Variants in GINS1 observed in about 807,000 individuals in gnomAD.
GINS1 encodes GINS complex subunit 1.
In GINS1, 26 loss-of-function variants were observed where a neutral mutation model predicts 34.9. The ratio of observed to expected loss-of-function variants is 0.74; its 90% CI spans 0.55 to 1.03. The LOEUF (loss-of-function observed/expected upper bound fraction) is 1.03. Among genes scored for constraint, GINS1 ranks in the 50% least tolerant of loss-of-function variants. The pLI is 0.00. For missense variants in GINS1, 235 were observed against 237.9 expected (o/e 0.99, Z 0.08); for synonymous variants, 97 against 84.4 (o/e 1.15, Z -0.82).
At chr20:25,417,325 C>A (rs1345774614) in intron 3 of GINS1, 123 bp downstream of exon 3, 7 of 621,506 alleles carry the variant, frequency 1.1e-5, no homozygotes, top group Non-Finnish European at 5.7e-6. Flanking sequence ...TAAATTTTTC[C>A]TCTGTGTTTT....
At chr20:25,408,610 C>T (rs1326888443) in intron 1 of GINS1, among the ~76,000 whole-genome samples, 2 of 152,160 alleles carry the variant, frequency 1.3e-5, no homozygotes, top group African/African-American at 4.8e-5. Context: ...GTAATCCCAG[C>T]ACTTTGGGAG....
At position 25,445,965 on chromosome 20, in the gene GINS1, G is replaced by A. The variant is rs2090509894; in HGVS notation, c.565G>A (p.Gly189Arg). 6.2e-7 allele frequency: 1 copy of A among 1,611,288 alleles called. No individual in the cohort carries two copies. Among genetic ancestry groups the A allele is most frequent in the Non-Finnish European group, 8.5e-7 (1 of 1,177,776 alleles). Residue 189 changes from glycine to arginine, a missense_variant, in exon 7 of 7, where the codon GGA (glycine) becomes AGA (arginine). Coordinates refer to ENST00000262460, the MANE Select transcript of GINS1 (RefSeq NM_021067.5). Reference sequence around the variant, plus strand: ...GAAATGTGAGCAGCTGATCAGACAAGGAGTCCTGGAGCACATCCTGTCATG... The same window carrying A: ...GAAATGTGAGCAGCTGATCAGACAAAGAGTCCTGGAGCACATCCTGTCATG... The part of the protein sequence containing the change: ...RWKCEQLIRQ[G>R]VLEHILS
intron 6 of GINS1, among the ~76,000 whole-genome samples, chr20:25,442,842 G>T (rs181015590): frequency 2.6e-5 from 4 of 152,184 alleles, no homozygotes; most frequent in Admixed American, 2.6e-4. Flanking sequence ...CTGAGCTCAA[G>T]CAATCCACCC....
intron 6 of GINS1, among the ~76,000 whole-genome samples, chr20:25,442,565 A>G (rs1021631861): frequency 6.6e-6 from 1 of 151,742 alleles, no homozygotes; most frequent in African/African-American, 2.4e-5. Context: ...TCATATTCAC[A>G]TTAGATGAAT....
intron 5 of GINS1, among the ~76,000 whole-genome samples, chr20:25,437,220 C>A (rs1283866567): frequency 6.6e-6 from 1 of 152,238 alleles, no homozygotes; most frequent in African/African-American, 2.4e-5. Flanking sequence ...GAATTCACTT[C>A]AGTGGAATGC....
chr20:25,422,662 A>G (rs114536755), intron 4 of GINS1, among the ~76,000 whole-genome samples: 1,718 of 152,254 alleles, frequency 0.011, 32 homozygotes, highest in African/African-American at 0.036. Context: ...AGTGTTGCCC[A>G]TTTTTTGAAC....
At chr20:25,428,967 C>CTTTTTTTTTTTT (rs1241187859) in intron 5 of GINS1, among the ~76,000 whole-genome samples, 1 of 114,162 alleles carries the variant, frequency 8.8e-6, no homozygotes, top group Non-Finnish European at 1.8e-5. Context: ...TCATTCCTCT[C>CTTTTTTTTTTTT]TCTTTTTTTT....
At chr20:25,414,598 G>T (rs1296295106) in intron 2 of GINS1, among the ~76,000 whole-genome samples, 1 of 152,080 alleles carries the variant, frequency 6.6e-6, no homozygotes, top group Admixed American at 6.6e-5. Context: ...TACTCAGCAG[G>T]GTAAGGTGAG....
At chr20:25,425,477 C>T (rs2146206612) in intron 5 of GINS1, 150 bp downstream of exon 5, 5 of 477,330 alleles carry the variant, frequency 1.0e-5, no homozygotes, top group Non-Finnish European at 1.5e-5. Context: ...AGGGGGATGA[C>T]AGAATACGAT....
intron 5 of GINS1, among the ~76,000 whole-genome samples, chr20:25,440,537 G>A (rs1197214319): frequency 4.6e-5 from 7 of 152,166 alleles, no homozygotes; most frequent in South Asian, 2.1e-4. Flanking sequence ...GCGGCCAGGC[G>A]TGGTGGCTCA....
chr20:25,407,881 C>G lies in GINS1; in HGVS notation c.61C>G (p.Leu21Val), dbSNP rs1374439656. 1.2e-6 allele frequency: 2 copies of G among 1,613,338 alleles called. No homozygotes were observed. Among genetic ancestry groups the G allele is most frequent in the Non-Finnish European group, 1.7e-6 (2 of 1,179,352 alleles). Reference protein sequence around the residue: ...RELHRAPEGQLPAFNEDGLRQ... With the variant: ...RELHRAPEGQVPAFNEDGLRQ... ...GCTGCATCGCGCGCCCGAAGGGCAA[C>G]TGCCTGCCTTCAACGTGAGGGGCGG... is the stretch of plus-strand genomic sequence containing the variant. Residue 21 changes from leucine to valine, a missense_variant, in exon 1 of 7, where the codon CTG (leucine) becomes GTG (valine). Leu to Val is a conservative substitution (Grantham distance 32). Coordinates refer to ENST00000262460, the MANE Select transcript of GINS1 (RefSeq NM_021067.5).
chr20:25,430,392 G>A (rs934302426), intron 5 of GINS1, among the ~76,000 whole-genome samples: 4 of 151,830 alleles, frequency 2.6e-5, no homozygotes, highest in East Asian at 1.9e-4. Context: ...TTTTCCCTTC[G>A]TTCTGTTAAT....
At position 25,445,908 on chromosome 20, in the gene GINS1, T is replaced by G; in HGVS notation, c.523-15T>G. 6.5e-7 allele frequency: 1 copy of G among 1,542,826 alleles called. No individual in the cohort carries two copies. The highest frequency in any genetic ancestry group is 8.9e-7 in the Non-Finnish European group (1 of 1,120,000). On this transcript the variant is annotated splice_polypyrimidine_tract_variant and intron_variant, in intron 6 of 6. Coordinates refer to ENST00000262460, the MANE Select transcript of GINS1 (RefSeq NM_021067.5). ...ATTTATTTTACTCTTTCTCCATCCC[T>G]TCTTGTCCCCTCAGCACTTTTTACC... is the stretch of plus-strand genomic sequence containing the variant.
At chr20:25,438,553 G>A (rs1004677922) in intron 5 of GINS1, among the ~76,000 whole-genome samples, 1 of 130,152 alleles carries the variant, frequency 7.7e-6, no homozygotes, top group African/African-American at 3.0e-5. Context: ...CAGTATCTGG[G>A]TCTGTTGTTC....
At position 25,418,051 on chromosome 20, in the gene GINS1, A is replaced by G. The variant is rs544833663; in HGVS notation, c.240-54A>G. ...TTGCATCAGGGGCCAAATGAAGTCC[A>G]CACGTGATCCCCCGTTTATTCTTAT... On this transcript the variant is annotated intron_variant, in intron 3 of 6. Transcript: ENST00000262460. The G allele has an allele frequency of 1.9e-4, 182 of 955,670 alleles. 1 individual carries two copies. The East Asian group carries it at 4.3e-3, about 23-fold the overall frequency. 59.2% of individuals were successfully genotyped at this position (955,670 alleles called of 1,614,324 possible).
At chr20:25,435,810 CTTT>C (rs199615377) in intron 5 of GINS1, among the ~76,000 whole-genome samples, 1 of 108,502 alleles carries the variant, frequency 9.2e-6, no homozygotes. Flanking sequence ...TAGAGTTACA[CTTT>C]TTTTTTTTTT....
At chr20:25,412,226 A>G (rs1410142648) in intron 1 of GINS1, among the ~76,000 whole-genome samples, 1 of 152,160 alleles carries the variant, frequency 6.6e-6, no homozygotes, top group Non-Finnish European at 1.5e-5. Flanking sequence ...CAAAAACACT[A>G]TTCCTTTTTC....
rs187367938 is a variant in GINS1 at position 25,448,479 on chromosome 20, A to T, written c.*2488A>T. ...GAACTTGTATCCTTCAGCCTTGCTA[A>T]ACTGTGAGTTCTCATGGTGTTTTTG... is the stretch of plus-strand genomic sequence containing the variant. On this transcript the variant is annotated 3_prime_UTR_variant, in exon 7 of 7. Transcript: ENST00000262460. 2.6e-4 allele frequency: 39 copies of T among 152,352 alleles called. No individual in the cohort carries two copies. The highest frequency in any genetic ancestry group is 1.7e-3 in the Admixed American group (26 of 15,300). The allele number at this position is 152,352 out of a possible 1,614,324, so 9.4% of individuals were successfully genotyped here. A position where few individuals can be genotyped will look rare whatever the true frequency, so the allele number is the denominator to read the frequency against.
chr20:25,422,623 T>G (rs2090362775), intron 4 of GINS1, among the ~76,000 whole-genome samples: 1 of 152,088 alleles, frequency 6.6e-6, no homozygotes, highest in African/African-American at 2.4e-5. Context: ...ATTTACCACC[T>G]AAGCATGCAT....
Sources: allele counts gnomAD v4.1 joint callset (sites outside exome capture counted in the v4.1 genomes callset), GRCh38; gene constraint gnomAD v4.1.1; transcripts MANE v1.5; gene names NCBI Gene and HGNC (gene_info 2026-07-23, HGNC 2026-07-21).